SOCS2: variants seen among roughly 807,000 people sequenced by gnomAD.
SOCS2 encodes CIS-2.
A neutral mutation model predicts 18.6 loss-of-function variants in SOCS2; 10 were observed. The observed-to-expected ratio is 0.54, with a 90% CI of 0.33 to 0.91. The LOEUF (loss-of-function observed/expected upper bound fraction) is 0.91, where lower values mean the gene tolerates loss of function less well. SOCS2 is among the 40% of genes least tolerant of loss of function. The probability of loss-of-function intolerance (pLI) is 0.02; values close to 1 mark genes in which losing one functional copy is unlikely to be tolerated. For synonymous variants in SOCS2, 104 were observed against 104.0 expected (o/e 1.00, Z 0.00); for missense variants, 231 against 247.2 (o/e 0.93, Z 0.44).
chr12:93,613,539 A>C, the SOCS2 span, among the ~76,000 whole-genome samples: 1 of 152,230 alleles, frequency 6.6e-6, no homozygotes, highest in Non-Finnish European at 1.5e-5. Flanking sequence ...TCTTTATCTG[A>C]AGGTGGGCAT....
At chr12:93,596,237 T>C in the SOCS2 span, among the ~76,000 whole-genome samples, 4 of 152,242 alleles carry the variant, frequency 2.6e-5, no homozygotes, top group African/African-American at 9.6e-5. Context: ...TTATTTGATT[T>C]AATCCCCATA....
the SOCS2 span, among the ~76,000 whole-genome samples, chr12:93,593,892 T>C: frequency 6.6e-6 from 1 of 152,212 alleles, no homozygotes; most frequent in Non-Finnish European, 1.5e-5. Flanking sequence ...ACTGTTACCA[T>C]ACAGAGGCAT....
the SOCS2 span, among the ~76,000 whole-genome samples, chr12:93,597,656 A>C: frequency 6.6e-6 from 1 of 152,196 alleles, no homozygotes; most frequent in African/African-American, 2.4e-5. Flanking sequence ...GTATTATGAA[A>C]TAGCTCATCA....
Position 93,572,677 on chromosome 12 carries a change from C to T in SOCS2, c.-221C>T, listed in dbSNP as rs528904510. The T allele has an allele frequency of 1.4e-6, 1 of 724,194 alleles. No individual in the cohort carries two copies. Among genetic ancestry groups the T allele is most frequent in the South Asian group, 1.5e-5 (1 of 67,250 alleles). 44.9% of individuals were successfully genotyped at this position (724,194 alleles called of 1,614,324 possible). A position where few individuals can be genotyped will look rare whatever the true frequency, so the allele number is the denominator to read the frequency against. On this transcript the variant is annotated 5_prime_UTR_variant, in exon 1 of 2. Coordinates refer to ENST00000551556, the MANE Select transcript of SOCS2 (RefSeq NM_001270471.2). The surrounding 1 kb of genome is among the most constrained non-coding windows in gnomAD (Gnocchi z 5.0). ...GGACTGACCCAACCTCCCGCTTTCT[C>T]TTTGTAGGCGATCAGTGGGTGACCG...
the SOCS2 span, among the ~76,000 whole-genome samples, chr12:93,614,475 C>T: frequency 5.2e-5 from 4 of 77,656 alleles, no homozygotes; most frequent in African/African-American, 3.3e-4. Context: ...TCCTTCCTTC[C>T]TTCCTTTCCT....
At chr12:93,585,189 C>T (rs1434369568), downstream of SOCS2, among the ~76,000 whole-genome samples, 1 of 151,872 alleles carries the variant, frequency 6.6e-6, no homozygotes, top group East Asian at 1.9e-4. Flanking sequence ...ATCATAATAG[C>T]CATTTTACGT....
chr12:93,613,659 A>C, the SOCS2 span, among the ~76,000 whole-genome samples: 1 of 152,236 alleles, frequency 6.6e-6, no homozygotes, highest in Non-Finnish European at 1.5e-5. Context: ...ATTGCCACTT[A>C]ATTTTTAGTG....
downstream of SOCS2, among the ~76,000 whole-genome samples, chr12:93,578,903 G>GCCTGTGGAATAC (rs1438149369): frequency 6.6e-6 from 1 of 152,152 alleles, no homozygotes; most frequent in Non-Finnish European, 1.5e-5. Context: ...CAGAAGCCAG[G>GCCTGTGGAATAC]CCTGTGGAAT....
At chr12:93,570,531 C>A (rs1028712906), upstream of SOCS2, 1 of 152,524 alleles carries the variant, frequency 6.6e-6, no homozygotes, top group Admixed American at 6.5e-5. Context: ...TGCACGCCCA[C>A]CCCCCGCAAA....
chr12:93,624,915 A>G, the SOCS2 span, among the ~76,000 whole-genome samples: 1 of 152,228 alleles, frequency 6.6e-6, no homozygotes, highest in East Asian at 1.9e-4. Context: ...ATAGCTAAAT[A>G]TAGTGACTAA....
chr12:93,605,992 A>G, the SOCS2 span, among the ~76,000 whole-genome samples: 1 of 152,234 alleles, frequency 6.6e-6, no homozygotes, highest in Non-Finnish European at 1.5e-5. Context: ...TCTCACTCAC[A>G]TGACAGTCTG....
At chr12:93,612,941 TAA>T in the SOCS2 span, among the ~76,000 whole-genome samples, 2 of 152,186 alleles carry the variant, frequency 1.3e-5, no homozygotes, top group Non-Finnish European at 2.9e-5. Context: ...CTCCCTTTTG[TAA>T]AATCTCTGCC....
chr12:93,574,379 A>G (rs183809895), intron 1 of SOCS2: 4 of 169,582 alleles, frequency 2.4e-5, no homozygotes, highest in African/African-American at 9.5e-5. Flanking sequence ...TATTTTACTT[A>G]AATAATGTTA....
chr12:93,573,743 A>C (rs1954352021), intron 1 of SOCS2: 1 of 152,292 alleles, frequency 6.6e-6, no homozygotes, highest in Admixed American at 6.5e-5. Flanking sequence ...TTTGGTAGCA[A>C]CAGGGGGAGG....
the SOCS2 span, among the ~76,000 whole-genome samples, chr12:93,624,930 T>C: frequency 0.022 from 3,284 of 152,324 alleles, 61 homozygotes; most frequent in Non-Finnish European, 0.03. Flanking sequence ...GACTAATGCT[T>C]CTTCCTGTTC....
chr12:93,588,916 C>T, the SOCS2 span, among the ~76,000 whole-genome samples: 1 of 152,184 alleles, frequency 6.6e-6, no homozygotes, highest in Admixed American at 6.5e-5. Flanking sequence ...GCCACCGCGC[C>T]TGGCCTGACA....
chr12:93,580,647 G>GAAAAGA (rs1041056753), downstream of SOCS2, among the ~76,000 whole-genome samples: 13 of 149,272 alleles, frequency 8.7e-5, no homozygotes, highest in African/African-American at 3.2e-4. Flanking sequence ...AAAAGAAAAG[G>GAAAAGA]AAAAGAAAAA....
the SOCS2 span, among the ~76,000 whole-genome samples, chr12:93,595,775 T>C: frequency 6.6e-6 from 1 of 152,240 alleles, no homozygotes; most frequent in Non-Finnish European, 1.5e-5. Flanking sequence ...AGGCATTTAA[T>C]TTGTGATTAT....
chr12:93,576,973 C>T (rs1010932099), downstream of SOCS2, among the ~76,000 whole-genome samples: 8 of 152,308 alleles, frequency 5.3e-5, no homozygotes, highest in Admixed American at 2.6e-4. Flanking sequence ...CTTCATTCAC[C>T]GTTTTTCTCC....
Sources: gnomAD v4.1 joint callset for allele counts (sites outside exome capture counted in the v4.1 genomes callset) on GRCh38, gnomAD v4.1.1 for gene constraint, Gnocchi (gnomAD v3.1) non-coding constraint, MANE v1.5 for transcripts, NCBI Gene and HGNC (gene_info 2026-07-23, HGNC 2026-07-21) for gene names.